ELOC: variants seen among roughly 807,000 people sequenced by gnomAD.
The protein encoded by ELOC is elongin C.
For missense variants in ELOC, 38 were observed against 139.0 expected (o/e 0.27, Z 3.65); for synonymous variants, 40 against 51.3 (o/e 0.78, Z 0.94).
chr8:73,950,283 G>C (rs1813663809), intron 3 of ELOC, among the ~76,000 whole-genome samples: 1 of 152,134 alleles, frequency 6.6e-6, no homozygotes, highest in Admixed American at 6.6e-5. Context: ...GCACCAGTAA[G>C]AATGACTGCA....
At chr8:73,955,767 T>C in intron 3 of ELOC, 144 bp downstream of exon 3, 10 of 1,009,172 alleles carry the variant, frequency 9.9e-6, no homozygotes, top group African/African-American at 1.6e-5. Context: ...TCTGTCTCTC[T>C]CAAACAAAAG....
chr8:73,963,652 T>A (rs1374568867), intron 1 of ELOC, among the ~76,000 whole-genome samples: 2 of 152,236 alleles, frequency 1.3e-5, no homozygotes, highest in African/African-American at 4.8e-5. Flanking sequence ...TTACATTGGC[T>A]ATTTACTTGG....
intron 1 of ELOC, among the ~76,000 whole-genome samples, chr8:73,965,345 G>A (rs1814902025): frequency 6.6e-6 from 1 of 152,188 alleles, no homozygotes; most frequent in Admixed American, 6.5e-5. Context: ...AGGCTGGAGA[G>A]GATGTGGAGC....
Position 73,963,687 on chromosome 8 carries a change from C to A in ELOC, c.-50-3869G>T, listed in dbSNP as rs1814763257. Among the ~76,000 whole-genome samples the A allele has an allele frequency of 1.3e-5, 2 of 152,126 alleles. 1 individual carries two copies. The highest frequency in any genetic ancestry group is 4.1e-4 in the South Asian group (2 of 4,828). On this transcript the variant is annotated intron_variant, in intron 1 of 3. Coordinates refer to ENST00000520242, the MANE Select transcript of ELOC (RefSeq NM_005648.4). Reference sequence around the variant, plus strand: ...GATAAAATAAGGTTAGAACAGATCACTCACAAAAATACACTACAGATTAAA... The same window carrying A: ...GATAAAATAAGGTTAGAACAGATCAATCACAAAAATACACTACAGATTAAA...
chr8:73,952,673 C>A lies in ELOC; in HGVS notation c.148+3238G>T, dbSNP rs557823335. On this transcript the variant is annotated intron_variant, in intron 3 of 3. Transcript: ENST00000520242. ...GCGGGCGCCTGTGGTCCCAGCTACT[C>A]GGGAGGCTGAGGCAGGAGAATGGCA... 7.4e-5 allele frequency among the ~76,000 whole-genome samples: 11 copies of A among 148,724 alleles called. No homozygotes were observed. The East Asian group carries it at 2.2e-3, about 30-fold the overall frequency.
At chr8:73,971,664 G>C (rs1815412913) in intron 1 of ELOC, among the ~76,000 whole-genome samples, 1 of 151,994 alleles carries the variant, frequency 6.6e-6, no homozygotes, top group Non-Finnish European at 1.5e-5. Flanking sequence ...AACTTCTCGG[G>C]TACTGCAGCT....
At chr8:73,966,486 GTC>G (rs1563686944) in intron 1 of ELOC, among the ~76,000 whole-genome samples, 1 of 128,454 alleles carries the variant, frequency 7.8e-6, no homozygotes, top group Non-Finnish European at 1.5e-5. Flanking sequence ...CAAGCCATGG[GTC>G]TTTTTTTTTT....
intron 3 of ELOC, among the ~76,000 whole-genome samples, chr8:73,947,725 C>A (rs1395098646): frequency 6.6e-6 from 1 of 151,834 alleles, no homozygotes; most frequent in Admixed American, 6.6e-5. Flanking sequence ...CAGGTGAGCG[C>A]CACCATGTCT....
intron 1 of ELOC, among the ~76,000 whole-genome samples, chr8:73,968,617 T>C (rs952968394): frequency 1.3e-5 from 2 of 152,216 alleles, no homozygotes; most frequent in Admixed American, 1.3e-4. Context: ...AGCATTCCTG[T>C]GTTTATATAT....
Position 73,946,552 on chromosome 8 carries a change from A to C in ELOC, c.*78T>G. The C allele has an allele frequency of 8.9e-7, 1 of 1,126,776 alleles. No individual in the cohort carries two copies. The highest frequency in any genetic ancestry group is 1.2e-6 in the Non-Finnish European group (1 of 806,696). 69.8% of individuals were successfully genotyped at this position (1,126,776 alleles called of 1,614,324 possible). A position where few individuals can be genotyped will look rare whatever the true frequency, so the allele number is the denominator to read the frequency against. The stretch of plus-strand genomic sequence containing the variant: ...TTCAACTGCATACAGGCAACATGCT[A>C]TATATGAAAAAGTTACTAACTGAAC... On this transcript the variant is annotated 3_prime_UTR_variant, in exon 4 of 4. Transcript: ENST00000520242.
chr8:73,968,079 A>G (rs184346940), intron 1 of ELOC, among the ~76,000 whole-genome samples: 13 of 152,324 alleles, frequency 8.5e-5, no homozygotes, highest in Admixed American at 2.6e-4. Context: ...ATTAAGAACT[A>G]GCCCAGTTGA....
intron 1 of ELOC, among the ~76,000 whole-genome samples, chr8:73,961,433 G>C (rs1182349836): frequency 6.6e-6 from 1 of 152,180 alleles, no homozygotes; most frequent in Non-Finnish European, 1.5e-5. Flanking sequence ...GTTTCAGGTA[G>C]CGACAGAGCA....
rs1814498994 is a variant in ELOC, at chr8:73,960,230, T to A, written c.-50-412A>T. Among the ~76,000 whole-genome samples the A allele has an allele frequency of 2.0e-5, 3 of 152,070 alleles. No homozygotes were observed. In the South Asian group the frequency reaches 6.2e-4, roughly 32 times the overall value. ...ATACTGAGGTGTTTTAAGGCAGAGG[T>A]CCTTTATTCTTTTTCTGGATAAAGG... On this transcript the variant is annotated intron_variant, in intron 1 of 3. Transcript: ENST00000520242.
At chr8:73,960,781 T>C (rs1296656800) in intron 1 of ELOC, among the ~76,000 whole-genome samples, 1 of 152,076 alleles carries the variant, frequency 6.6e-6, no homozygotes, top group Non-Finnish European at 1.5e-5. Context: ...ATGAATGGCA[T>C]GATATAACCA....
At chr8:73,956,358 C>T (rs117190982) in intron 2 of ELOC, among the ~76,000 whole-genome samples, 7,515 of 152,082 alleles carry the variant, frequency 0.049, 234 homozygotes, top group Non-Finnish European at 0.08. Flanking sequence ...GTAGTCCAGC[C>T]TGGATGACAG....
chr8:73,948,798 G>C (rs997357964), intron 3 of ELOC, among the ~76,000 whole-genome samples: 1 of 152,112 alleles, frequency 6.6e-6, no homozygotes, highest in Admixed American at 6.6e-5. Flanking sequence ...TGGCGCCACT[G>C]TACTCCAGCC....
At chr8:73,949,988 T>G (rs1374471178) in intron 3 of ELOC, among the ~76,000 whole-genome samples, 1 of 152,152 alleles carries the variant, frequency 6.6e-6, no homozygotes, top group East Asian at 1.9e-4. Flanking sequence ...AGAGCCATGT[T>G]GTGTGTGTAT....
intron 2 of ELOC, among the ~76,000 whole-genome samples, chr8:73,958,465 G>A (rs1185516484): frequency 3.3e-5 from 5 of 151,924 alleles, no homozygotes; most frequent in African/African-American, 4.8e-5. Flanking sequence ...ACACACACAC[G>A]AAAGCAAATT....
intron 1 of ELOC, among the ~76,000 whole-genome samples, chr8:73,961,000 A>G (rs973712210): frequency 1.3e-5 from 2 of 152,190 alleles, no homozygotes; most frequent in African/African-American, 4.8e-5. Flanking sequence ...CTTTACTTAG[A>G]TAAGTACACA....
Sources: allele counts gnomAD v4.1 joint callset (sites outside exome capture counted in the v4.1 genomes callset), GRCh38; gene constraint gnomAD v4.1.1; transcripts MANE v1.5; gene names NCBI Gene and HGNC (gene_info 2026-07-23, HGNC 2026-07-21).